Variants in IFNGR2 observed in about 807,000 individuals in gnomAD.
The protein encoded by IFNGR2 is IFN-gamma receptor 2.
A neutral mutation model predicts 41.1 loss-of-function variants in IFNGR2; 15 were observed. The ratio of observed to expected loss-of-function variants is 0.37; its 90% CI spans 0.24 to 0.56. The LOEUF is 0.56. Ranked by LOEUF, IFNGR2 falls within the 20% of genes least tolerant of loss-of-function variation. The pLI is 0.81. For synonymous variants in IFNGR2, 161 were observed against 171.6 expected (o/e 0.94, Z 0.48); for missense variants, 362 against 415.7 (o/e 0.87, Z 1.12).
intron 3 of IFNGR2, among the ~76,000 whole-genome samples, chr21:33,422,679 C>A (rs952772808): frequency 5.9e-5 from 9 of 151,874 alleles, no homozygotes; most frequent in African/African-American, 2.2e-4. Flanking sequence ...GAGTTCGAGA[C>A]CAGCCTGGCC....
chr21:33,434,397 C>CTGTAA (rs2083922578), intron 6 of IFNGR2, among the ~76,000 whole-genome samples: 1 of 152,104 alleles, frequency 6.6e-6, no homozygotes, highest in African/African-American at 2.4e-5. Context: ...TGGTGGGCGC[C>CTGTAA]TGTAATCCCA....
intron 3 of IFNGR2, among the ~76,000 whole-genome samples, chr21:33,422,605 G>A (rs117544228): frequency 0.011 from 1,652 of 152,158 alleles, 15 homozygotes; most frequent in Middle Eastern, 0.027. Context: ...TGCTGGGCGC[G>A]GTGGCTCACG....
intron 6 of IFNGR2, among the ~76,000 whole-genome samples, chr21:33,433,244 G>A (rs530838053): frequency 1.8e-4 from 28 of 152,264 alleles, no homozygotes; most frequent in Admixed American, 1.8e-3. Flanking sequence ...ACCCCTAAGA[G>A]TGCAGCTGTG....
intron 1 of IFNGR2, 41 bp downstream of exon 1, chr21:33,403,657 G>C: frequency 7.8e-7 from 1 of 1,274,582 alleles, no homozygotes; most frequent in Non-Finnish European, 9.9e-7. Context: ...CGCGGGCGCA[G>C]CCGCAGCATG....
At chr21:33,406,996 T>C (rs1252962169) in intron 1 of IFNGR2, among the ~76,000 whole-genome samples, 2 of 151,918 alleles carry the variant, frequency 1.3e-5, no homozygotes, top group African/African-American at 4.8e-5. Context: ...TCCCTTAGAG[T>C]TCTGTAAGAG....
In IFNGR2 at chr21:33,425,248, G is replaced by A. The variant is rs895334620; in HGVS notation, c.413-1636G>A. Among the ~76,000 whole-genome samples, 4 of 152,142 alleles carry A rather than the reference G, an allele frequency of 2.6e-5. No individual in the cohort carries two copies. The East Asian group carries it at 7.7e-4, about 29-fold the overall frequency. Reference sequence around the variant, plus strand: ...GATACCCTTATTTGGCAGTGACACTGATCGTGAGAGGCTTCGTGGAAAGGC... The same window carrying A: ...GATACCCTTATTTGGCAGTGACACTAATCGTGAGAGGCTTCGTGGAAAGGC... On this transcript the variant is annotated intron_variant, in intron 3 of 6. Transcript: ENST00000290219.
At chr21:33,407,165 G>A (rs1034815431) in intron 1 of IFNGR2, among the ~76,000 whole-genome samples, 18 of 152,220 alleles carry the variant, frequency 1.2e-4, no homozygotes, top group East Asian at 7.7e-4. Flanking sequence ...GCTTCTATTT[G>A]TAATTGTAGC....
At chr21:33,433,880 C>T (rs1401472072) in intron 6 of IFNGR2, among the ~76,000 whole-genome samples, 2 of 151,840 alleles carry the variant, frequency 1.3e-5, no homozygotes, top group East Asian at 3.9e-4. Flanking sequence ...CAGCAGGTCT[C>T]CTCTGCTGTC....
chr21:33,404,022 C>T (rs992759670), intron 1 of IFNGR2, among the ~76,000 whole-genome samples: 5 of 152,238 alleles, frequency 3.3e-5, no homozygotes, highest in Admixed American at 2.0e-4. Context: ...CCACCTCCCC[C>T]ACCCGCGCGC....
chr21:33,422,732 C>G (rs553674875), intron 3 of IFNGR2, among the ~76,000 whole-genome samples: 136 of 151,954 alleles, frequency 9.0e-4, no homozygotes, highest in Non-Finnish European at 1.3e-3. Context: ...CAAAAATTAG[C>G]TGGATGTGGT....
At chr21:33,422,877 CAAAAAA>C (rs71194843) in intron 3 of IFNGR2, among the ~76,000 whole-genome samples, 5 of 34,946 alleles carry the variant, frequency 1.4e-4, no homozygotes, top group East Asian at 1.7e-3. Context: ...AACTCCATCT[CAAAAAA>C]AAAAAAAAAA....
intron 3 of IFNGR2, among the ~76,000 whole-genome samples, chr21:33,423,358 A>G (rs1237611511): frequency 6.7e-6 from 1 of 149,048 alleles, no homozygotes; most frequent in Non-Finnish European, 1.5e-5. Flanking sequence ...TCTACTTTCT[A>G]TGTGTTTGAA....
intron 6 of IFNGR2, among the ~76,000 whole-genome samples, chr21:33,435,991 G>A (rs776827609): frequency 6.6e-6 from 1 of 151,878 alleles, no homozygotes; most frequent in Non-Finnish European, 1.5e-5. Context: ...AACCCAGGAG[G>A]CGGAAGTTGC....
chr21:33,432,975 T>G (rs1601093188), intron 6 of IFNGR2, 104 bp downstream of exon 6: 2 of 980,952 alleles, frequency 2.0e-6, no homozygotes, highest in South Asian at 2.8e-5. Context: ...AGCCTCCATC[T>G]CCCAGGTTCA....
chr21:33,416,925 C>CTTTTTTTTTTTTT (rs554788768), intron 2 of IFNGR2, among the ~76,000 whole-genome samples: 7 of 128,258 alleles, frequency 5.5e-5, no homozygotes, highest in Non-Finnish European at 8.4e-5. Context: ...TTTTCTTTTT[C>CTTTTTTTTTTTTT]TTTTTTTTTT....
chr21:33,410,184 T>G (rs2083706123), intron 1 of IFNGR2, among the ~76,000 whole-genome samples: 2 of 139,422 alleles, frequency 1.4e-5, no homozygotes, highest in East Asian at 2.3e-4. Context: ...TTTTTTTTTT[T>G]GAGACAGAGT....
intron 3 of IFNGR2, among the ~76,000 whole-genome samples, chr21:33,424,515 T>C (rs1405593588): frequency 6.6e-6 from 1 of 152,158 alleles, no homozygotes; most frequent in Non-Finnish European, 1.5e-5. Flanking sequence ...ATGTCACATC[T>C]GCCACTTTCA....
chr21:33,416,896 C>T (rs186665892), intron 2 of IFNGR2, among the ~76,000 whole-genome samples: 47 of 148,940 alleles, frequency 3.2e-4, no homozygotes, highest in African/African-American at 1.1e-3. Flanking sequence ...GAGTAGGTTT[C>T]CAGGTAACTT....
chr21:33,406,271 G>A (rs138015349), intron 1 of IFNGR2, among the ~76,000 whole-genome samples: 2 of 152,084 alleles, frequency 1.3e-5, no homozygotes, highest in African/African-American at 4.8e-5. Context: ...AGCTACCTGG[G>A]AGGCTGAGGC....
Sources: allele counts gnomAD v4.1 joint callset (sites outside exome capture counted in the v4.1 genomes callset), GRCh38; gene constraint gnomAD v4.1.1; transcripts MANE v1.5; gene names NCBI Gene and HGNC (gene_info 2026-07-23, HGNC 2026-07-21).